Variants in COLEC10 observed in about 807,000 individuals in gnomAD.
COLEC10 encodes the protein collectin-10.
COLEC10 carries 22 observed loss-of-function variants against 28.4 expected under a neutral mutation model. That is an observed-to-expected ratio of 0.78 (90% CI 0.55 to 1.11). The LOEUF is 1.11. Ranked by LOEUF, COLEC10 falls within the 50% of genes least tolerant of loss-of-function variation. The probability of loss-of-function intolerance (pLI) is 0.00; values close to 1 mark genes in which losing one functional copy is unlikely to be tolerated. For missense variants in COLEC10, 361 were observed against 344.1 expected (o/e 1.05, Z -0.39); for synonymous variants, 125 against 116.1 (o/e 1.08, Z -0.49).
chr8:118,968,323 C>T, the COLEC10 span, among the ~76,000 whole-genome samples: 4 of 151,916 alleles, frequency 2.6e-5, no homozygotes, highest in African/African-American at 7.2e-5. Flanking sequence ...AACTCTGTAA[C>T]TAAAATCTTT....
the COLEC10 span, among the ~76,000 whole-genome samples, chr8:118,984,678 A>C: frequency 6.6e-6 from 1 of 152,218 alleles, no homozygotes; most frequent in South Asian, 2.1e-4. Context: ...TAAGCCAAGG[A>C]ACACAAAGAA....
At chr8:119,060,995 G>C (rs572677919) in intron 2 of COLEC10, among the ~76,000 whole-genome samples, 1 of 152,138 alleles carries the variant, frequency 6.6e-6, no homozygotes, top group Non-Finnish European at 1.5e-5. Context: ...ATAATGGATA[G>C]ATTTAGAGAG....
At chr8:118,980,987 T>C in the COLEC10 span, among the ~76,000 whole-genome samples, 4 of 151,964 alleles carry the variant, frequency 2.6e-5, no homozygotes, top group Non-Finnish European at 4.4e-5. Flanking sequence ...TATTTCAAGG[T>C]ACCATATATT....
intron 2 of COLEC10, among the ~76,000 whole-genome samples, chr8:119,034,440 C>T (rs565913369): frequency 4.6e-4 from 69 of 150,348 alleles, no homozygotes; most frequent in Non-Finnish European, 7.8e-4. Context: ...AGGCCAGGTG[C>T]GGTGGCTCAC....
rs1165501329 is a variant in COLEC10 at position 118,998,802 on chromosome 8, G to A, written n.122+3229G>A. Among the ~76,000 whole-genome samples, 4 of 131,984 alleles carry A rather than the reference G, an allele frequency of 3.0e-5. No homozygotes were observed. In the South Asian group the frequency reaches 7.3e-4, roughly 24 times the overall value. The allele number at this position is 131,984 out of a possible 152,430, so 86.6% of individuals were successfully genotyped here. On this transcript the variant is annotated intron_variant and non_coding_transcript_variant, in intron 1 of 6. Transcript: ENST00000521788. The stretch of plus-strand genomic sequence containing the variant: ...GCAGAGGTTGCAGTGAGCCAAGATC[G>A]TGCCACTGCACTCCAGCCTGGGTGA...
chr8:118,997,653 T>G (rs904387691), intron 1 of COLEC10, among the ~76,000 whole-genome samples: 4 of 152,204 alleles, frequency 2.6e-5, no homozygotes, highest in Non-Finnish European at 5.9e-5. Context: ...CTGAAGGCTA[T>G]TCTCTACTGA....
chr8:118,956,305 A>T, the COLEC10 span, among the ~76,000 whole-genome samples: 1 of 152,210 alleles, frequency 6.6e-6, no homozygotes, highest in East Asian at 1.9e-4. Flanking sequence ...TAACAAAATG[A>T]CATGATCATT....
intron 1 of COLEC10, among the ~76,000 whole-genome samples, chr8:119,076,630 G>A (rs542448478): frequency 3.3e-4 from 50 of 152,322 alleles, no homozygotes; most frequent in African/African-American, 1.2e-3. Context: ...GATTTTGAAG[G>A]TCATTTATTT....
At chr8:118,973,486 C>T in the COLEC10 span, among the ~76,000 whole-genome samples, 1 of 151,934 alleles carries the variant, frequency 6.6e-6, no homozygotes, top group Non-Finnish European at 1.5e-5. Flanking sequence ...GGAGGCTACC[C>T]TCACTTCTTT....
Position 119,052,049 on chromosome 8 carries a change from A to G in COLEC10, n.236-37631A>G, listed in dbSNP as rs142845583. Among the ~76,000 whole-genome samples, 297 of 152,294 alleles carry G rather than the reference A, an allele frequency of 2.0e-3. 1 individual carries two copies. The highest frequency in any genetic ancestry group is 6.8e-3 in the African/African-American group (282 of 41,570). ...TAAAATGAATGACCTTTCTGGGGTAACTTTATTAGCCCCTGAGTACCTGGT... is the reference window on the plus strand; with the variant it reads ...TAAAATGAATGACCTTTCTGGGGTAGCTTTATTAGCCCCTGAGTACCTGGT... On this transcript the variant is annotated intron_variant and non_coding_transcript_variant, in intron 2 of 6. Transcript: ENST00000521788.
the COLEC10 span, among the ~76,000 whole-genome samples, chr8:118,957,508 G>A: frequency 6.6e-6 from 1 of 152,202 alleles, no homozygotes; most frequent in Non-Finnish European, 1.5e-5. Context: ...GAACTGGAGA[G>A]AGATATACCT....
chr8:119,006,477 T>C (rs969827179), intron 1 of COLEC10, among the ~76,000 whole-genome samples: 1 of 152,118 alleles, frequency 6.6e-6, no homozygotes, highest in African/African-American at 2.4e-5. Flanking sequence ...TGAAACTGTT[T>C]TGTGGGAAAC....
rs1315129083 is a variant in COLEC10, at chr8:119,096,224, C to T, written c.292+5004C>T. Among the ~76,000 whole-genome samples the T allele has an allele frequency of 5.3e-5, 8 of 152,036 alleles. No individual in the cohort carries two copies. The East Asian group carries it at 1.4e-3, about 26-fold the overall frequency. On this transcript the variant is annotated intron_variant, in intron 3 of 5. Transcript: ENST00000332843. Reference sequence around the variant, plus strand: ...GTCTATATTTTTGATCCTAGGGTAGCCAACACGTTTTTAAACAGGATATGA... The same window carrying T: ...GTCTATATTTTTGATCCTAGGGTAGTCAACACGTTTTTAAACAGGATATGA...
At chr8:119,087,734 G>T (rs908406173) in intron 1 of COLEC10, among the ~76,000 whole-genome samples, 1 of 151,966 alleles carries the variant, frequency 6.6e-6, no homozygotes, top group Non-Finnish European at 1.5e-5. Context: ...TCCACCATCT[G>T]CTAAGAGTCA....
At chr8:119,021,137 A>C (rs1190759259) in intron 2 of COLEC10, among the ~76,000 whole-genome samples, 2 of 152,212 alleles carry the variant, frequency 1.3e-5, no homozygotes, top group Non-Finnish European at 2.9e-5. Flanking sequence ...CTGAGAGAGC[A>C]AATTTTGTGT....
rs905300315 is a variant in COLEC10, at chr8:119,045,936, A to G, written n.235+36383A>G. On this transcript the variant is annotated intron_variant and non_coding_transcript_variant, in intron 2 of 6. Coordinates refer to the COLEC10 transcript ENST00000521788. Reference sequence around the variant, plus strand: ...ACAGAATAAATCTACGGTCTTTGGAAAAGCAGAAGTTATTTCCAATGACAC... The same window carrying G: ...ACAGAATAAATCTACGGTCTTTGGAGAAGCAGAAGTTATTTCCAATGACAC... 3.9e-5 allele frequency among the ~76,000 whole-genome samples: 6 copies of G among 152,218 alleles called. No homozygotes were observed. The South Asian group carries it at 1.2e-3, about 32-fold the overall frequency.
intron 1 of COLEC10, among the ~76,000 whole-genome samples, chr8:119,000,922 G>T (rs1813685300): frequency 6.6e-6 from 1 of 152,072 alleles, no homozygotes; most frequent in African/African-American, 2.4e-5. Flanking sequence ...AACCATAAAT[G>T]CAGAGGCAGT....
the COLEC10 span, among the ~76,000 whole-genome samples, chr8:118,960,628 C>CA: frequency 4.6e-5 from 7 of 151,342 alleles, no homozygotes; most frequent in African/African-American, 1.7e-4. Flanking sequence ...ACTAAAAATA[C>CA]AAAAAAATTA....
chr8:119,044,778 C>T (rs945219275), intron 2 of COLEC10, among the ~76,000 whole-genome samples: 1 of 151,474 alleles, frequency 6.6e-6, no homozygotes, highest in Non-Finnish European at 1.5e-5. Context: ...TCACTTGAAC[C>T]CAGGAGGCAG....
Sources: allele counts gnomAD v4.1 joint callset (sites outside exome capture counted in the v4.1 genomes callset), GRCh38; gene constraint gnomAD v4.1.1; transcripts MANE v1.5; gene names NCBI Gene and HGNC (gene_info 2026-07-23, HGNC 2026-07-21).